LRRD1: variants seen among roughly 807,000 people sequenced by gnomAD.
LRRD1 encodes leucine rich repeats and death domain containing 1.
In LRRD1, 49 loss-of-function variants were observed where a neutral mutation model predicts 69.5. The observed-to-expected ratio is 0.70, with a 90% CI of 0.56 to 0.89. LRRD1 has a LOEUF of 0.89. Among genes scored for constraint, LRRD1 ranks in the 40% least tolerant of loss-of-function variants. LRRD1 has a pLI of 0.00. For missense variants in LRRD1, 853 were observed against 956.0 expected (o/e 0.89, Z 1.42); for synonymous variants, 303 against 338.9 (o/e 0.89, Z 1.16).
At chr7:92,169,377 G>A (rs1181845382) in intron 1 of LRRD1, among the ~76,000 whole-genome samples, 1 of 151,952 alleles carries the variant, frequency 6.6e-6, no homozygotes, top group African/African-American at 2.4e-5. Context: ...GAGAGGCTGG[G>A]CACGGTGGTT....
chr7:92,151,454 T>TCA, intron 3 of LRRD1, among the ~76,000 whole-genome samples: 1 of 152,336 alleles, frequency 6.6e-6, no homozygotes, highest in South Asian at 2.1e-4. Flanking sequence ...CCGCATGACA[T>TCA]CACTAATGAT....
At chr7:92,142,603 G>C (rs115594215), downstream of LRRD1, 1 of 446,432 alleles carries the variant, frequency 2.2e-6, no homozygotes, top group South Asian at 1.6e-5. Context: ...CGACCCTCAC[G>C]GTCAGTGTTA....
At chr7:92,152,731 C>T (rs144343337) in intron 3 of LRRD1, among the ~76,000 whole-genome samples, 5,104 of 149,438 alleles carry the variant, frequency 0.034, 258 homozygotes, top group African/African-American at 0.11. Flanking sequence ...AGTGCAGTGG[C>T]GTCACCTCAG....
At position 92,163,545 on chromosome 7, in the gene LRRD1, G is replaced by C; in HGVS notation, c.1658C>G (p.Ser553Cys). The C allele has an allele frequency of 6.5e-7, 1 of 1,528,044 alleles. No individual in the cohort carries two copies. Among genetic ancestry groups the C allele is most frequent in the Non-Finnish European group, 8.8e-7 (1 of 1,139,338 alleles). The allele number at this position is 1,528,044 out of a possible 1,614,324, so 94.7% of individuals were successfully genotyped here. A position where few individuals can be genotyped will look rare whatever the true frequency, so the allele number is the denominator to read the frequency against. ...AAGTACGTGGAGTGATATCATATTA[G>C]AAATTGATGCTGGAATTTTCTTTAT... ...NQIKKIPASI[S>C]NMISLHVLIL... is the part of the protein sequence containing the mutation. Residue 553 changes from serine to cysteine, a missense_variant, in exon 2 of 6, where the codon TCT (serine) becomes TGT (cysteine). Physicochemically the swap from Ser to Cys is moderately radical, Grantham distance 112. Around this residue, in one of 3 missense-constraint regions of LRRD1, gnomAD observed 739 missense variants for 808.0 expected, o/e 0.91. Transcript: ENST00000458448.
chr7:92,164,643 A>G lies in LRRD1; in HGVS notation c.560T>C (p.Leu187Pro), dbSNP rs1788864565. Reference protein sequence around the residue: ...KTFQGADSGDLLGLEILSLQE... With the variant: ...KTFQGADSGDPLGLEILSLQE... The stretch of plus-strand genomic sequence containing the variant: ...CAGGGATAGAATTTCAAGTCCTAAC[A>G]GATCACCTGAGTCTGCCCCTTGAAA... The change falls in exon 2 of 6, where the codon CTG becomes CCG. Residue 187 changes from leucine (L) to proline (P), a missense_variant. Leu to Pro is a moderately conservative substitution (Grantham distance 98, BLOSUM62 -3). This residue lies in a region of LRRD1 where 739 missense variants were observed against 808.0 expected (regional missense o/e 0.91). Transcript: ENST00000458448. 6.4e-7 allele frequency: 1 copy of G among 1,551,836 alleles called. No homozygotes were observed.
chr7:92,176,143 A>G (rs1405278947), intron 1 of LRRD1, among the ~76,000 whole-genome samples: 3 of 152,210 alleles, frequency 2.0e-5, no homozygotes, highest in Non-Finnish European at 4.4e-5. Flanking sequence ...CTTGGATTTC[A>G]GTTAGAATTA....
downstream of LRRD1, chr7:92,142,558 T>TG (rs557600723): frequency 3.9e-4 from 180 of 456,208 alleles, 1 homozygote; most frequent in African/African-American, 3.4e-3. Flanking sequence ...CCGGAATTGG[T>TG]GGGTTCTTCG....
rs1227961386 is a variant in LRRD1 at position 92,169,830 on chromosome 7, G to A, written c.-74-4554C>T. Among the ~76,000 whole-genome samples the A allele has an allele frequency of 3.3e-5, 5 of 151,980 alleles. No homozygotes were observed. The East Asian group carries it at 9.7e-4, about 29-fold the overall frequency. ...ACACTTGTAATCCCAGCACTTTTGG[G>A]AGGTGGAGGCAGGAGGATTGCTTGA... is the stretch of plus-strand genomic sequence containing the variant. On this transcript the variant is annotated intron_variant, in intron 1 of 5. Transcript: ENST00000458448.
intron 2 of LRRD1, among the ~76,000 whole-genome samples, chr7:92,160,436 G>A (rs1389768102): frequency 6.6e-6 from 1 of 152,142 alleles, no homozygotes; most frequent in Non-Finnish European, 1.5e-5. Flanking sequence ...ATTAATAACT[G>A]ATGAATGAAA....
chr7:92,174,485 A>G (rs1467529089), intron 1 of LRRD1, among the ~76,000 whole-genome samples: 4 of 13,256 alleles, frequency 3.0e-4, no homozygotes, highest in Admixed American at 1.1e-3. Flanking sequence ...ATATATATAT[A>G]TATATATATA....
chr7:92,178,195 C>T (rs1789237629), intron 1 of LRRD1, among the ~76,000 whole-genome samples: 1 of 151,670 alleles, frequency 6.6e-6, no homozygotes, highest in Non-Finnish European at 1.5e-5. Context: ...CGCCTGTAGT[C>T]CCAGCTACTC....
intron 1 of LRRD1, among the ~76,000 whole-genome samples, chr7:92,177,934 T>A (rs1789232631): frequency 6.6e-6 from 1 of 152,198 alleles, no homozygotes; most frequent in African/African-American, 2.4e-5. Context: ...CATGCAGTGA[T>A]TTGAAATAAA....
chr7:92,159,623 T>TTG (rs1447578302), intron 2 of LRRD1, among the ~76,000 whole-genome samples: 7 of 143,528 alleles, frequency 4.9e-5, no homozygotes, highest in Non-Finnish European at 9.1e-5. Context: ...AACATTGCTT[T>TTG]TTTTTTTTTT....
chr7:92,163,174 A>T, intron 2 of LRRD1, 112 bp downstream of exon 2: 1 of 638,338 alleles, frequency 1.6e-6, no homozygotes, highest in Non-Finnish European at 2.3e-6. Context: ...AAAACAAAAT[A>T]TTTCAGCTCA....
intron 3 of LRRD1, among the ~76,000 whole-genome samples, chr7:92,156,625 G>A (rs1788663656): frequency 6.6e-6 from 1 of 152,130 alleles, no homozygotes; most frequent in Admixed American, 6.6e-5. Context: ...ATTGATTTTT[G>A]TATATTAACT....
intron 1 of LRRD1, among the ~76,000 whole-genome samples, chr7:92,177,422 T>G (rs1260809773): frequency 6.6e-6 from 1 of 152,238 alleles, no homozygotes; most frequent in Non-Finnish European, 1.5e-5. Context: ...GATTTTCTTC[T>G]TCTTCTTGAG....
downstream of LRRD1, among the ~76,000 whole-genome samples, chr7:92,143,324 CG>C (rs764532029): frequency 3.2e-4 from 49 of 152,192 alleles, 1 homozygote; most frequent in Non-Finnish European, 2.2e-4. Flanking sequence ...CCGCACCCAC[CG>C]GGGCCGCAGG....
chr7:92,178,941 G>C (rs1789256903), intron 1 of LRRD1, 66 bp downstream of exon 1: 1 of 152,276 alleles, frequency 6.6e-6, no homozygotes, highest in Non-Finnish European at 1.5e-5. Flanking sequence ...TGAGAAGTGG[G>C]AAAATGAGAG....
At chr7:92,147,081 TGAGAC>T (rs1820346026) in intron 4 of LRRD1, among the ~76,000 whole-genome samples, 1 of 151,398 alleles carries the variant, frequency 6.6e-6, no homozygotes. Flanking sequence ...TTTTTTTTTT[TGAGAC>T]AGAGTTTCAC....
Sources: gnomAD v4.1 joint callset for allele counts (sites outside exome capture counted in the v4.1 genomes callset) on GRCh38, gnomAD v4.1.1 for gene constraint, gnomAD v4.1.1 regional missense constraint, MANE v1.5 for transcripts, NCBI Gene and HGNC (gene_info 2026-07-23, HGNC 2026-07-21) for gene names.